CIMIP7: variants seen among roughly 807,000 people sequenced by gnomAD.
CIMIP7 encodes ciliary microtubule inner protein 7.
At chr3:49,182,178 G>C in the CIMIP7 span, among the ~76,000 whole-genome samples, 1 of 152,190 alleles carries the variant, frequency 6.6e-6, no homozygotes, top group Non-Finnish European at 1.5e-5. Flanking sequence ...AAAGAACAAA[G>C]CCTCCACAGC....
the CIMIP7 span, chr3:49,177,746 C>A: frequency 6.2e-7 from 1 of 1,609,252 alleles, no homozygotes. Flanking sequence ...TCAGGCAGTA[C>A]GTCAGTGACC....
chr3:49,189,402 C>T, the CIMIP7 span, among the ~76,000 whole-genome samples: 2 of 152,156 alleles, frequency 1.3e-5, no homozygotes, highest in African/African-American at 2.4e-5. Context: ...TGAGCCACCT[C>T]GCCCAGCTGT....
the CIMIP7 span, among the ~76,000 whole-genome samples, chr3:49,185,149 T>C: frequency 6.6e-6 from 1 of 151,620 alleles, no homozygotes; most frequent in Non-Finnish European, 1.5e-5. Flanking sequence ...TAATCCCAGC[T>C]ACTCAGGAGG....
the CIMIP7 span, among the ~76,000 whole-genome samples, chr3:49,179,381 T>A: frequency 6.6e-6 from 1 of 152,194 alleles, no homozygotes; most frequent in Non-Finnish European, 1.5e-5. Flanking sequence ...AGCATAATTC[T>A]GTTAGTACAT....
chr3:49,187,067 G>A, the CIMIP7 span, among the ~76,000 whole-genome samples: 3 of 152,074 alleles, frequency 2.0e-5, no homozygotes, highest in Non-Finnish European at 4.4e-5. Context: ...CTTTCCTGTC[G>A]GAGGCACCTC....
At chr3:49,190,581 C>T in the CIMIP7 span, among the ~76,000 whole-genome samples, 7 of 151,458 alleles carry the variant, frequency 4.6e-5, no homozygotes, top group Admixed American at 2.0e-4. Flanking sequence ...CTGCAACCTC[C>T]GCCTCCCGGG....
the CIMIP7 span, among the ~76,000 whole-genome samples, chr3:49,182,389 G>A: frequency 6.6e-6 from 1 of 152,178 alleles, no homozygotes; most frequent in East Asian, 1.9e-4. Context: ...ACAGAGTGTG[G>A]ACACAAAGGT....
chr3:49,188,848 A>AGT, the CIMIP7 span, among the ~76,000 whole-genome samples: 1 of 151,962 alleles, frequency 6.6e-6, no homozygotes, highest in Non-Finnish European at 1.5e-5. Context: ...CCCAGGCTGG[A>AGT]GTGTGGTGGT....
the CIMIP7 span, among the ~76,000 whole-genome samples, chr3:49,186,419 T>G: frequency 6.9e-6 from 1 of 145,944 alleles, no homozygotes; most frequent in Non-Finnish European, 1.5e-5. Flanking sequence ...TTTTTTTTTT[T>G]TGGAGATGGA....
At chr3:49,188,196 G>A in the CIMIP7 span, among the ~76,000 whole-genome samples, 2 of 152,240 alleles carry the variant, frequency 1.3e-5, no homozygotes, top group Admixed American at 6.5e-5. Context: ...GCCCTTGCAA[G>A]TGTATATGCT....
At chr3:49,191,674 G>A in the CIMIP7 span, 1 of 1,514,970 alleles carries the variant, frequency 6.6e-7, no homozygotes, top group Non-Finnish European at 9.1e-7. Flanking sequence ...CACTTCACCG[G>A]CATGACTCAG....
At chr3:49,177,697 T>G in the CIMIP7 span, 7 of 1,610,308 alleles carry the variant, frequency 4.3e-6, no homozygotes, top group Admixed American at 6.7e-5. Flanking sequence ...AGCATGAAGG[T>G]AGTGCTGCAG....
the CIMIP7 span, among the ~76,000 whole-genome samples, chr3:49,190,586 C>T: frequency 6.6e-6 from 1 of 151,718 alleles, no homozygotes; most frequent in Non-Finnish European, 1.5e-5. Context: ...ACCTCCGCCT[C>T]CCGGGTTCAA....
chr3:49,177,747 G>T, the CIMIP7 span: 1 of 1,609,546 alleles, frequency 6.2e-7, no homozygotes, highest in Middle Eastern at 1.7e-4. Context: ...CAGGCAGTAC[G>T]TCAGTGACCG....
At chr3:49,185,218 G>A in the CIMIP7 span, among the ~76,000 whole-genome samples, 891 of 134,710 alleles carry the variant, frequency 6.6e-3, 9 homozygotes, top group African/African-American at 0.023. Context: ...CCGAGATCAC[G>A]ACACTGCACT....
At chr3:49,185,892 A>G in the CIMIP7 span, among the ~76,000 whole-genome samples, 2 of 150,904 alleles carry the variant, frequency 1.3e-5, no homozygotes, top group African/African-American at 4.9e-5. Flanking sequence ...GGGTTTCACT[A>G]TGTTGGCCAG....
the CIMIP7 span, among the ~76,000 whole-genome samples, chr3:49,180,506 G>T: frequency 6.6e-6 from 1 of 152,188 alleles, no homozygotes; most frequent in African/African-American, 2.4e-5. Context: ...GCCAGATCTG[G>T]TGAGGTCAGG....
At chr3:49,187,626 G>GAA in the CIMIP7 span, among the ~76,000 whole-genome samples, 1 of 149,748 alleles carries the variant, frequency 6.7e-6, no homozygotes, top group African/African-American at 2.4e-5. Context: ...GAAAAAAAAT[G>GAA]AAAAAAAAAC....
chr3:49,190,095 CT>C, the CIMIP7 span: 1 of 1,610,658 alleles, frequency 6.2e-7, no homozygotes, highest in Admixed American at 1.7e-5. Flanking sequence ...AGCACTTTCA[CT>C]CTTGAATTGG....
Sources: allele counts gnomAD v4.1 joint callset (sites outside exome capture counted in the v4.1 genomes callset), GRCh38; gene constraint gnomAD v4.1.1; transcripts MANE v1.5; gene names NCBI Gene and HGNC (gene_info 2026-07-23, HGNC 2026-07-21).